The following CATIP variants were observed in gnomAD, a reference collection of about 807,000 sequenced individuals.
CATIP encodes the protein ciliogenesis associated TTC17 interacting protein, also known as ciliogenesis-associated TTC17-interacting protein.
CATIP carries 40 observed loss-of-function variants against 42.5 expected under a neutral mutation model. That is an observed-to-expected ratio of 0.94 (90% CI 0.73 to 1.22). The LOEUF (loss-of-function observed/expected upper bound fraction) is 1.22, where lower values mean the gene tolerates loss of function less well. CATIP is among the 50% of genes most tolerant of loss of function. CATIP has a pLI of 0.00. For synonymous variants in CATIP, 222 were observed against 200.2 expected (o/e 1.11, Z -0.92); for missense variants, 489 against 496.0 (o/e 0.99, Z 0.13).
At chr2:218,365,028 A>C (rs1186384909) in intron 7 of CATIP, among the ~76,000 whole-genome samples, 7 of 152,148 alleles carry the variant, frequency 4.6e-5, no homozygotes, top group Non-Finnish European at 1.0e-4. Flanking sequence ...CCAAGGTCTG[A>C]ATGACTGCAC....
rs375101735 is a variant in CATIP at position 218,360,670 on chromosome 2, G to A, written c.462+11G>A. 6.3e-7 allele frequency: 1 copy of A among 1,599,878 alleles called. No individual in the cohort carries two copies. Among genetic ancestry groups the A allele is most frequent in the Non-Finnish European group, 8.6e-7 (1 of 1,167,538 alleles). On this transcript the variant is annotated intron_variant, in intron 5 of 9. Transcript: ENST00000289388. The stretch of plus-strand genomic sequence containing the variant: ...ATCAAGGAGGGTGAGGTAAGGATGA[G>A]AGCCAGATGGGAGTTGCACTACACA...
chr2:218,357,240 G>T (rs978390960), intron 2 of CATIP, 53 bp downstream of exon 2: 10 of 1,237,672 alleles, frequency 8.1e-6, no homozygotes, highest in Non-Finnish European at 1.0e-5. Flanking sequence ...CAAGTCTGGA[G>T]AGGAGGGAAG....
chr2:218,360,483 C>A, intron 4 of CATIP, 90 bp from the exon 5 acceptor site: 2 of 974,302 alleles, frequency 2.1e-6, no homozygotes, highest in Non-Finnish European at 1.6e-6. Flanking sequence ...AATCTTTAAA[C>A]CTCAGTTTTC....
At position 218,367,018 on chromosome 2, in the gene CATIP, C is replaced by T. The variant is rs771917707; in HGVS notation, c.756-6C>T. 3 of 1,612,614 alleles carry T rather than the reference C, an allele frequency of 1.9e-6. No individual in the cohort carries two copies. Among genetic ancestry groups the T allele is most frequent in the Non-Finnish European group, 2.5e-6 (3 of 1,178,658 alleles). ...TCTCACTCTCACATGTTGTGTTGCA[C>T]TCCAGGCACCTGGCCAAGAGAATAC... On this transcript the variant is annotated splice_polypyrimidine_tract_variant and splice_region_variant and intron_variant, in intron 7 of 9. Coordinates refer to ENST00000289388, the MANE Select transcript of CATIP (RefSeq NM_198559.2).
intron 5 of CATIP, 111 bp from the exon 6 acceptor site, chr2:218,362,624 A>G: frequency 3.7e-6 from 4 of 1,086,484 alleles, no homozygotes; most frequent in African/African-American, 1.6e-5. Flanking sequence ...AAAAAGCGAA[A>G]CTCTGTCTCA....
At chr2:218,363,009 G>A in intron 6 of CATIP, 107 bp downstream of exon 6, 1 of 1,147,264 alleles carries the variant, frequency 8.7e-7, no homozygotes, top group Non-Finnish European at 1.2e-6. Flanking sequence ...GAGGCAGGTG[G>A]GGAGAAAACA....
chr2:218,367,538 G>T lies in CATIP; in HGVS notation c.921+20G>T. On this transcript the variant is annotated intron_variant, in intron 9 of 9. Coordinates refer to ENST00000289388, the MANE Select transcript of CATIP (RefSeq NM_198559.2). ...CGGAAGGTGAGGGGAGGCTCCACCA[G>T]CCTGGGGTTCCCATTCCCCCATGGG... 6.2e-7 allele frequency: 1 copy of T among 1,612,904 alleles called. No homozygotes were observed. Among genetic ancestry groups the T allele is most frequent in the Non-Finnish European group, 8.5e-7 (1 of 1,178,868 alleles).
At chr2:218,362,286 G>A (rs1186134248) in intron 5 of CATIP, among the ~76,000 whole-genome samples, 1 of 150,648 alleles carries the variant, frequency 6.6e-6, no homozygotes, top group Non-Finnish European at 1.5e-5. Context: ...CTGGGAGCTG[G>A]AGGTTGCAGT....
At position 218,364,667 on chromosome 2, in the gene CATIP, CA is replaced by C; in HGVS notation, c.671del (p.Gln224ArgfsTer51). 2.5e-6 allele frequency: 4 copies of C among 1,614,080 alleles called. No individual in the cohort carries two copies. Among genetic ancestry groups the C allele is most frequent in the Non-Finnish European group, 3.4e-6 (4 of 1,179,958 alleles). ...CCAGACCATCCAGGTAGACCATCAG[CA>C]GGCTGAAGTCTTCATCGTGGAGCAG... Reference protein sequence around the residue: ...GFQTIQVDHQQAEVFIVEQTV... With the variant: ...GFQTIQVDHQXAEVFIVEQTV... On this transcript the variant is annotated frameshift_variant, in exon 7 of 10. Coordinates refer to ENST00000289388, the MANE Select transcript of CATIP (RefSeq NM_198559.2). LOFTEE classifies it high-confidence loss of function.
At chr2:218,365,045 T>A (rs950751701) in intron 7 of CATIP, among the ~76,000 whole-genome samples, 2 of 152,110 alleles carry the variant, frequency 1.3e-5, no homozygotes, top group African/African-American at 2.4e-5. Flanking sequence ...GCACACTTGA[T>A]GAAATCACTG....
At chr2:218,366,660 C>A (rs571834967) in intron 7 of CATIP, 39 of 328,726 alleles carry the variant, frequency 1.2e-4, no homozygotes, top group African/African-American at 8.1e-4. Context: ...ACACCACAGG[C>A]TGGGTGGCTT....
chr2:218,365,118 C>T (rs892529959), intron 7 of CATIP, among the ~76,000 whole-genome samples: 1 of 152,084 alleles, frequency 6.6e-6, no homozygotes, highest in Non-Finnish European at 1.5e-5. Flanking sequence ...GGCTCCAAAT[C>T]ATAAGAAAAT....
At chr2:218,367,282 C>G in intron 8 of CATIP, 148 bp from the exon 9 acceptor site, 1 of 824,186 alleles carries the variant, frequency 1.2e-6, no homozygotes, top group Non-Finnish European at 2.0e-6. Flanking sequence ...ATCTTTCCTA[C>G]TGGAAGTCCC....
chr2:218,367,817 G>A lies in CATIP; in HGVS notation c.1017G>A (p.Gln339=). The A allele has an allele frequency of 1.2e-6, 2 of 1,613,046 alleles. No homozygotes were observed. The highest frequency in any genetic ancestry group is 1.7e-6 in the Non-Finnish European group (2 of 1,179,892). ...TCCTGCTCTTCCTGCTGCTGCGCCA[G>A]CCGGAGGACGTGGTCACCTTCGCCG... ...SDFLLFLLLR[Q]PEDVVTFAAE... Residue 339 remains glutamine (Q), a synonymous_variant, in exon 10 of 10, where the codon CAG becomes CAA. Transcript: ENST00000289388.
intron 8 of CATIP, 136 bp from the exon 9 acceptor site, chr2:218,367,294 T>A (rs2106320016): frequency 1.1e-6 from 1 of 880,632 alleles, no homozygotes; most frequent in East Asian, 2.4e-5. Flanking sequence ...GGAAGTCCCT[T>A]CCTGCAACTC....
chr2:218,362,825 GC>G lies in CATIP; in HGVS notation c.555del (p.Trp186GlyfsTer12). 1 of 1,614,108 alleles carries G rather than the reference GC, an allele frequency of 6.2e-7. No individual in the cohort carries two copies. Among genetic ancestry groups the G allele is most frequent in the Non-Finnish European group, 8.5e-7 (1 of 1,180,026 alleles). ...AANLVLLRVMAWRRMVPSNAR... is the reference protein window; with the variant it reads ...AANLVLLRVMXWRRMVPSNAR... ...CAACCTGGTGCTGCTCAGGGTGATGGCCTGGCGGCGGATGGTGCCCAGCAAT... is the reference window on the plus strand; with the variant it reads ...CAACCTGGTGCTGCTCAGGGTGATGGCTGGCGGCGGATGGTGCCCAGCAAT... On this transcript the variant is annotated frameshift_variant, in exon 6 of 10. Coordinates refer to ENST00000289388, the MANE Select transcript of CATIP (RefSeq NM_198559.2). LOFTEE classifies it high-confidence loss of function.
intron 2 of CATIP, 72 bp downstream of exon 2, chr2:218,357,259 G>GTCTCTC (rs144807145): frequency 0.079 from 47,521 of 603,152 alleles, 716 homozygotes; most frequent in Non-Finnish European, 0.092. Context: ...AGAAAGTCCA[G>GTCTCTC]TCTCTCTCTC....
chr2:218,360,890 AC>A (rs1374191668), intron 5 of CATIP, among the ~76,000 whole-genome samples: 1 of 147,680 alleles, frequency 6.8e-6, no homozygotes, highest in Non-Finnish European at 1.5e-5. Flanking sequence ...GAGTGCAATG[AC>A]GTGATCTCGG....
chr2:218,365,369 G>A (rs1012510811), intron 7 of CATIP: 4 of 151,388 alleles, frequency 2.6e-5, no homozygotes, highest in East Asian at 1.9e-4. Flanking sequence ...AGCCGAGATC[G>A]CGCCACTGCA....
Sources: gnomAD v4.1 joint callset for allele counts (sites outside exome capture counted in the v4.1 genomes callset) on GRCh38, gnomAD v4.1.1 for gene constraint, MANE v1.5 for transcripts, NCBI Gene and HGNC (gene_info 2026-07-23, HGNC 2026-07-21) for gene names.